Variants in LRRC4C observed in about 807,000 individuals in gnomAD.
The protein encoded by LRRC4C is leucine-rich repeat-containing protein 4C.
LRRC4C carries 5 observed loss-of-function variants against 33.6 expected under a neutral mutation model. The observed-to-expected ratio is 0.15, with a 90% CI of 0.08 to 0.31. The LOEUF (loss-of-function observed/expected upper bound fraction) is 0.31. Ranked by LOEUF, LRRC4C falls within the 10% of genes least tolerant of loss-of-function variation. The probability of loss-of-function intolerance (pLI) is 1.00; values close to 1 mark genes in which losing one functional copy is unlikely to be tolerated. For synonymous variants in LRRC4C, 329 were observed against 302.0 expected (o/e 1.09, Z -0.93); for missense variants, 560 against 796.7 (o/e 0.70, Z 3.58).
chr11:41,096,340 GA>G (rs1353194283), intron 1 of LRRC4C, among the ~76,000 whole-genome samples: 2 of 151,846 alleles, frequency 1.3e-5, no homozygotes, highest in African/African-American at 2.4e-5. Flanking sequence ...TTTTGTAAGG[GA>G]AAAAAATACA....
At chr11:41,308,929 C>T (rs763687677) in intron 1 of LRRC4C, among the ~76,000 whole-genome samples, 2 of 152,214 alleles carry the variant, frequency 1.3e-5, no homozygotes, top group South Asian at 2.1e-4. Context: ...CTCAGCCTCC[C>T]GAGTAGCTGG....
chr11:41,319,385 C>CA (rs537010545), intron 1 of LRRC4C, among the ~76,000 whole-genome samples: 265 of 152,130 alleles, frequency 1.7e-3, no homozygotes, highest in African/African-American at 6.2e-3. Flanking sequence ...ATGGAGCATT[C>CA]CTGTGGTCAG....
chr11:41,203,748 T>C (rs1407390252), intron 1 of LRRC4C, among the ~76,000 whole-genome samples: 1 of 152,194 alleles, frequency 6.6e-6, no homozygotes, highest in Non-Finnish European at 1.5e-5. Flanking sequence ...ACCTAATATA[T>C]AGACAGTCTT....
chr11:41,231,266 A>G (rs1430000974), intron 1 of LRRC4C, among the ~76,000 whole-genome samples: 1 of 152,134 alleles, frequency 6.6e-6, no homozygotes, highest in African/African-American at 2.4e-5. Context: ...ATTACTGGGT[A>G]TATACCCAAA....
intron 1 of LRRC4C, among the ~76,000 whole-genome samples, chr11:41,037,989 A>G (rs1208096521): frequency 6.6e-6 from 1 of 152,228 alleles, no homozygotes; most frequent in Non-Finnish European, 1.5e-5. Context: ...AACACTGACG[A>G]AAACGTCCAA....
At chr11:41,377,256 G>C (rs1952970762) in intron 1 of LRRC4C, among the ~76,000 whole-genome samples, 1 of 152,014 alleles carries the variant, frequency 6.6e-6, no homozygotes, top group Admixed American at 6.6e-5. Context: ...TCAGGCACTA[G>C]GCTAAGACCC....
chr11:40,950,362 AC>A (rs1220666164), intron 1 of LRRC4C, among the ~76,000 whole-genome samples: 1 of 151,862 alleles, frequency 6.6e-6, no homozygotes, highest in Non-Finnish European at 1.5e-5. Flanking sequence ...CTATTAGAAA[AC>A]CCTTACTTTT....
chr11:40,146,822 G>C (rs901651435), intron 5 of LRRC4C, among the ~76,000 whole-genome samples: 1 of 152,152 alleles, frequency 6.6e-6, no homozygotes, highest in Non-Finnish European at 1.5e-5. Flanking sequence ...GACACCATGA[G>C]GGATGGACTT....
At chr11:40,680,214 C>T (rs1174870308) in intron 2 of LRRC4C, among the ~76,000 whole-genome samples, 4 of 152,176 alleles carry the variant, frequency 2.6e-5, no homozygotes, top group African/African-American at 9.7e-5. Flanking sequence ...TTACCAAATA[C>T]CTGTGTCCCC....
intron 4 of LRRC4C, among the ~76,000 whole-genome samples, chr11:40,251,470 A>G (rs1866779202): frequency 6.6e-6 from 1 of 152,110 alleles, no homozygotes; most frequent in Non-Finnish European, 1.5e-5. Context: ...ACCTACAAAC[A>G]GATATTTCCA....
chr11:41,205,802 CTAT>C (rs1565478607), intron 1 of LRRC4C, among the ~76,000 whole-genome samples: 1 of 151,956 alleles, frequency 6.6e-6, no homozygotes, highest in African/African-American at 2.4e-5. Flanking sequence ...GAAGTAGATT[CTAT>C]TATTATCCTC....
chr11:40,303,285 A>G (rs1173617350), intron 4 of LRRC4C, among the ~76,000 whole-genome samples: 1 of 152,064 alleles, frequency 6.6e-6, no homozygotes, highest in Non-Finnish European at 1.5e-5. Context: ...AAGTTTTATT[A>G]ATTTGCGTAT....
At chr11:41,250,451 A>G (rs1015247169) in intron 1 of LRRC4C, among the ~76,000 whole-genome samples, 6 of 152,184 alleles carry the variant, frequency 3.9e-5, no homozygotes, top group Admixed American at 3.9e-4. Flanking sequence ...TCACTTTGTA[A>G]AGGTCATAGA....
At chr11:41,186,202 A>G (rs1325067027) in intron 1 of LRRC4C, among the ~76,000 whole-genome samples, 1 of 152,192 alleles carries the variant, frequency 6.6e-6, no homozygotes, top group Admixed American at 6.5e-5. Flanking sequence ...CTTTTAATTC[A>G]GTAAAATCAG....
intron 2 of LRRC4C, among the ~76,000 whole-genome samples, chr11:40,843,511 T>C (rs1014585008): frequency 2.0e-5 from 3 of 152,168 alleles, no homozygotes; most frequent in Non-Finnish European, 2.9e-5. Context: ...ATTTTCTCTC[T>C]CTTTCTCACT....
intron 5 of LRRC4C, among the ~76,000 whole-genome samples, chr11:40,161,869 TTG>T (rs1266459071): frequency 1.3e-5 from 2 of 152,170 alleles, no homozygotes; most frequent in Non-Finnish European, 2.9e-5. Context: ...AACACAGTGG[TTG>T]TGTCTGTGTG....
intron 2 of LRRC4C, among the ~76,000 whole-genome samples, chr11:40,719,324 G>C (rs918759678): frequency 6.6e-6 from 1 of 152,184 alleles, no homozygotes; most frequent in Admixed American, 6.5e-5. Flanking sequence ...AGTCTTCTAA[G>C]AGAAAATGAC....
intron 1 of LRRC4C, among the ~76,000 whole-genome samples, chr11:40,967,775 T>C (rs533793789): frequency 5.3e-4 from 81 of 151,926 alleles, no homozygotes; most frequent in African/African-American, 1.8e-3. Context: ...TTAATTTCAA[T>C]ATTGAAATAA....
intron 3 of LRRC4C, among the ~76,000 whole-genome samples, chr11:40,627,732 C>T (rs1963088387): frequency 6.6e-6 from 1 of 152,144 alleles, no homozygotes; most frequent in Non-Finnish European, 1.5e-5. Flanking sequence ...TCTTCTTCTA[C>T]TCTTCCATTT....
Sources: allele counts gnomAD v4.1 joint callset (sites outside exome capture counted in the v4.1 genomes callset), GRCh38; gene constraint gnomAD v4.1.1; transcripts MANE v1.5; gene names NCBI Gene and HGNC (gene_info 2026-07-23, HGNC 2026-07-21).